The following PDE11A variants were observed in gnomAD, a reference collection of about 807,000 sequenced individuals.
The protein encoded by PDE11A is phosphodiesterase 11A, also known as dual 3',5'-cyclic-AMP and -GMP phosphodiesterase 11A.
A neutral mutation model predicts 100.5 loss-of-function variants in PDE11A; 100 were observed. That is an observed-to-expected ratio of 1.00 (90% CI 0.85 to 1.18). The LOEUF (loss-of-function observed/expected upper bound fraction) is 1.18, where lower values mean the gene tolerates loss of function less well. Ranked by LOEUF, PDE11A falls within the 50% of genes most tolerant of loss-of-function variation. PDE11A has a pLI of 0.00. For missense variants in PDE11A, 1,141 were observed against 1,152.6 expected, an observed-to-expected ratio of 0.99 and a Z score of 0.15; for synonymous variants, 381 against 420.8, an observed-to-expected ratio of 0.91 and a Z score of 1.16.
rs142024303 is a variant in PDE11A at position 177,837,537 on chromosome 2, G to A, written c.1500+2714C>T. 8.6e-5 allele frequency among the ~76,000 whole-genome samples: 13 copies of A among 151,006 alleles called. No homozygotes were observed. The East Asian group carries it at 2.1e-3, about 25-fold the overall frequency. On this transcript the variant is annotated intron_variant, in intron 6 of 19. Coordinates refer to ENST00000286063, the MANE Select transcript of PDE11A (RefSeq NM_016953.4). ...CGCCCAGGCTGGAGTGCAGTGGCGC[G>A]ATCTCAGCTCACTGCAAGCTCTGCT...
chr2:177,742,944 C>A (rs1296741320), intron 10 of PDE11A, among the ~76,000 whole-genome samples: 1 of 152,184 alleles, frequency 6.6e-6, no homozygotes, highest in Non-Finnish European at 1.5e-5. Context: ...TGTTAGGGAC[C>A]AGTCCCAGAG....
intron 15 of PDE11A, chr2:177,687,073 A>G (rs958189574): frequency 2.0e-5 from 3 of 152,194 alleles, no homozygotes; most frequent in African/African-American, 4.8e-5. Flanking sequence ...CTCAGGAGAT[A>G]GAGTTAATCA....
intron 2 of PDE11A, among the ~76,000 whole-genome samples, chr2:177,959,851 C>A (rs1218537555): frequency 1.3e-5 from 2 of 152,016 alleles, no homozygotes; most frequent in Non-Finnish European, 2.9e-5. Flanking sequence ...AAATTTTACT[C>A]CAATTGTAAT....
At chr2:178,078,831 T>A (rs1246873374) in intron 2 of PDE11A, among the ~76,000 whole-genome samples, 3 of 152,182 alleles carry the variant, frequency 2.0e-5, no homozygotes, top group African/African-American at 7.2e-5. Context: ...TCTTAAATAA[T>A]CAAGATTGTT....
intron 19 of PDE11A, among the ~76,000 whole-genome samples, chr2:177,656,970 C>A (rs1367101004): frequency 3.3e-5 from 5 of 152,064 alleles, no homozygotes; most frequent in Non-Finnish European, 7.4e-5. Context: ...GAGGGGGTTT[C>A]CGAATGCTAT....
At chr2:177,794,937 C>G (rs916677646) in intron 9 of PDE11A, among the ~76,000 whole-genome samples, 5 of 152,066 alleles carry the variant, frequency 3.3e-5, no homozygotes, top group East Asian at 1.9e-4. Context: ...AGGTGCCCAC[C>G]ACCATGCCCA....
intron 5 of PDE11A, among the ~76,000 whole-genome samples, chr2:177,859,784 T>A (rs759227642): frequency 6.6e-6 from 1 of 151,092 alleles, no homozygotes; most frequent in East Asian, 1.9e-4. Flanking sequence ...CCAAACACAA[T>A]GTGATAGAAT....
At chr2:178,059,092 G>C (rs772269287) in intron 1 of PDE11A, among the ~76,000 whole-genome samples, 50 of 152,196 alleles carry the variant, frequency 3.3e-4, no homozygotes, top group Admixed American at 9.2e-4. Flanking sequence ...CATGAGGTCT[G>C]ATGGAGCATG....
intron 4 of PDE11A, among the ~76,000 whole-genome samples, chr2:177,887,914 G>C (rs1558992471): frequency 6.6e-6 from 1 of 152,134 alleles, no homozygotes; most frequent in African/African-American, 2.4e-5. Context: ...CAACCACTGA[G>C]ACAAACAGAG....
At chr2:177,876,481 T>C (rs1476501932) in intron 4 of PDE11A, among the ~76,000 whole-genome samples, 1 of 148,502 alleles carries the variant, frequency 6.7e-6, no homozygotes, top group Non-Finnish European at 1.5e-5. Context: ...GAAAGTAGCA[T>C]ACCAGTGCGA....
chr2:177,944,963 T>C (rs1466284785), intron 2 of PDE11A, among the ~76,000 whole-genome samples: 3 of 148,154 alleles, frequency 2.0e-5, no homozygotes, highest in Non-Finnish European at 4.5e-5. Context: ...GCTGAGTGCC[T>C]GCCATTGCAG....
intron 2 of PDE11A, among the ~76,000 whole-genome samples, chr2:177,915,674 G>T (rs907140652): frequency 5.9e-5 from 9 of 152,216 alleles, no homozygotes; most frequent in Non-Finnish European, 1.3e-4. Context: ...GCCAGTTTTT[G>T]TGTAGACATA....
intron 12 of PDE11A, among the ~76,000 whole-genome samples, chr2:177,726,654 G>C (rs2081603269): frequency 1.8e-5 from 2 of 113,504 alleles, no homozygotes. Context: ...CAGAAAATGA[G>C]GCAGAGTTTT....
intron 10 of PDE11A, among the ~76,000 whole-genome samples, chr2:177,732,485 G>A (rs1247483915): frequency 6.6e-6 from 1 of 152,176 alleles, no homozygotes; most frequent in Non-Finnish European, 1.5e-5. Context: ...CCTTGTTACA[G>A]TTTGTTACCA....
At chr2:177,744,010 C>T (rs1277807298) in intron 10 of PDE11A, among the ~76,000 whole-genome samples, 1 of 152,140 alleles carries the variant, frequency 6.6e-6, no homozygotes, top group Non-Finnish European at 1.5e-5. Flanking sequence ...GGCTTTCCTC[C>T]CCTCCTCTCC....
chr2:178,031,139 A>C (rs538975811), intron 1 of PDE11A, among the ~76,000 whole-genome samples: 2 of 152,328 alleles, frequency 1.3e-5, no homozygotes, highest in South Asian at 4.1e-4. Flanking sequence ...TTATTTTAAA[A>C]ATAACAGCAA....
chr2:177,952,474 T>C (rs748408146), intron 2 of PDE11A, among the ~76,000 whole-genome samples: 2 of 152,166 alleles, frequency 1.3e-5, no homozygotes, highest in Non-Finnish European at 2.9e-5. Flanking sequence ...ACAGAAAACA[T>C]TTGGAGTCAA....
intron 10 of PDE11A, among the ~76,000 whole-genome samples, chr2:177,766,416 A>G (rs1410380203): frequency 6.6e-6 from 1 of 152,216 alleles, no homozygotes; most frequent in Non-Finnish European, 1.5e-5. Flanking sequence ...TTAACTCATG[A>G]AATCTCACGG....
At chr2:177,798,309 CAT>C (rs1427982286) in intron 9 of PDE11A, among the ~76,000 whole-genome samples, 1 of 152,200 alleles carries the variant, frequency 6.6e-6, no homozygotes, top group African/African-American at 2.4e-5. Flanking sequence ...TGGCAGTAAT[CAT>C]ACTTTCATTT....
Sources: gnomAD v4.1 joint callset for allele counts (sites outside exome capture counted in the v4.1 genomes callset) on GRCh38, gnomAD v4.1.1 for gene constraint, MANE v1.5 for transcripts, NCBI Gene and HGNC (gene_info 2026-07-23, HGNC 2026-07-21) for gene names.